WFDC8: variants seen among roughly 807,000 people sequenced by gnomAD.
The protein encoded by WFDC8 is WAP four-disulfide core domain 8, also known as WAP four-disulfide core domain protein 8.
In WFDC8, 24 loss-of-function variants were observed where a neutral mutation model predicts 27.0. The observed-to-expected ratio is 0.89, with a 90% confidence interval of 0.64 to 1.25. The LOEUF is 1.25. Among genes scored for constraint, WFDC8 ranks in the 50% most tolerant of loss-of-function variants. WFDC8 has a pLI of 0.00. For missense variants in WFDC8, 287 were observed against 295.9 expected (o/e 0.97, Z 0.22); for synonymous variants, 106 against 99.7 (o/e 1.06, Z -0.38).
rs719996 is a variant in WFDC8, at chr20:45,572,129, A to C, written c.26+7093T>G. Among the ~76,000 whole-genome samples, 6 of 152,022 alleles carry C rather than the reference A, an allele frequency of 3.9e-5. No individual in the cohort carries two copies. The South Asian group carries it at 1.0e-3, about 26-fold the overall frequency. On this transcript the variant is annotated intron_variant, in intron 1 of 5. Coordinates refer to ENST00000289953, the MANE Select transcript of WFDC8 (RefSeq NM_130896.3). Reference sequence around the variant, plus strand: ...AAGAATTCCCTTTTCAGCCAGGTGCAGTGGCTCACACCTGTAATCCCAGCA... The same window carrying C: ...AAGAATTCCCTTTTCAGCCAGGTGCCGTGGCTCACACCTGTAATCCCAGCA...
At chr20:45,576,119 A>C (rs1981036898) in intron 1 of WFDC8, among the ~76,000 whole-genome samples, 1 of 151,478 alleles carries the variant, frequency 6.6e-6, no homozygotes, top group African/African-American at 2.4e-5. Context: ...TATTGAGTAC[A>C]GAACACTCCG....
chr20:45,560,069 T>C (rs562329585), intron 2 of WFDC8, among the ~76,000 whole-genome samples: 1 of 152,340 alleles, frequency 6.6e-6, no homozygotes, highest in East Asian at 1.9e-4. Flanking sequence ...TTATCTCTAA[T>C]TTTAAGGTCT....
At chr20:45,552,616 C>T (rs1600883504) in intron 5 of WFDC8, among the ~76,000 whole-genome samples, 1 of 152,192 alleles carries the variant, frequency 6.6e-6, no homozygotes, top group Non-Finnish European at 1.5e-5. Flanking sequence ...TATACTGAAC[C>T]TTAGAACCTT....
At chr20:45,562,362 G>T (rs1021614095) in intron 1 of WFDC8, 143 bp from the exon 2 acceptor site, 2 of 671,832 alleles carry the variant, frequency 3.0e-6, no homozygotes, top group African/African-American at 1.8e-5. Context: ...GAAGGAGTCT[G>T]TCTGAGGTCA....
At position 45,576,457 on chromosome 20, in the gene WFDC8, T is replaced by C. The variant is rs550563629; in HGVS notation, c.26+2765A>G. On this transcript the variant is annotated intron_variant, in intron 1 of 5. Transcript: ENST00000289953. Reference sequence around the variant, plus strand: ...GTCTTTCTCCCAGGGCGGAGCGCAGTGGCACGATCTTGGCTCACTCCAACC... The same window carrying C: ...GTCTTTCTCCCAGGGCGGAGCGCAGCGGCACGATCTTGGCTCACTCCAACC... Among the ~76,000 whole-genome samples the C allele has an allele frequency of 8.6e-5, 13 of 151,388 alleles. No homozygotes were observed. The East Asian group carries it at 2.3e-3, about 27-fold the overall frequency.
rs145947630 is a variant in WFDC8, at chr20:45,567,350, C to T, written c.27-5131G>A. ...AAGCCACAGATCACCCACCATTTTC[C>T]AAGACCAAAATTTTCACATAAATAT... On this transcript the variant is annotated intron_variant, in intron 1 of 5. Transcript: ENST00000289953. Among the ~76,000 whole-genome samples the T allele has an allele frequency of 3.3e-3, 498 of 152,244 alleles. 3 individuals carry two copies. Among genetic ancestry groups the T allele is most frequent in the African/African-American group, 0.011 (471 of 41,532 alleles).
At chr20:45,575,151 G>T (rs1981001853) in intron 1 of WFDC8, among the ~76,000 whole-genome samples, 1 of 152,064 alleles carries the variant, frequency 6.6e-6, no homozygotes, top group Non-Finnish European at 1.5e-5. Context: ...AATCGACATA[G>T]TACTGAAAGT....
intron 1 of WFDC8, chr20:45,568,213 C>G: frequency 3.8e-6 from 1 of 263,346 alleles, no homozygotes; most frequent in Non-Finnish European, 7.7e-6. Flanking sequence ...CCAAAAACAT[C>G]AGAGTACAAT....
intron 1 of WFDC8, among the ~76,000 whole-genome samples, chr20:45,576,214 G>C (rs1981040798): frequency 6.6e-6 from 1 of 151,200 alleles, no homozygotes; most frequent in African/African-American, 2.4e-5. Flanking sequence ...TGAGAAAGGT[G>C]TGTCAAGGGC....
intron 1 of WFDC8, among the ~76,000 whole-genome samples, chr20:45,562,588 G>C (rs1035611203): frequency 6.6e-6 from 1 of 152,186 alleles, no homozygotes; most frequent in Non-Finnish European, 1.5e-5. Flanking sequence ...AGACACTAGT[G>C]AGCATCTTTT....
intron 1 of WFDC8, among the ~76,000 whole-genome samples, chr20:45,563,136 T>G (rs1385701529): frequency 6.6e-6 from 1 of 152,170 alleles, no homozygotes; most frequent in African/African-American, 2.4e-5. Context: ...CAACCTTTTT[T>G]GTTGGGGGAG....
intron 1 of WFDC8, among the ~76,000 whole-genome samples, chr20:45,563,833 A>G (rs1190066588): frequency 6.6e-6 from 1 of 152,234 alleles, no homozygotes; most frequent in African/African-American, 2.4e-5. Flanking sequence ...CTTGAGAATC[A>G]GTTAATCAGA....
intron 1 of WFDC8, among the ~76,000 whole-genome samples, chr20:45,578,583 A>G (rs1281185615): frequency 6.6e-6 from 1 of 151,748 alleles, no homozygotes; most frequent in African/African-American, 2.4e-5. Flanking sequence ...ATACTCCAAT[A>G]GGCAAAGCAC....
chr20:45,562,915 T>A (rs1442399982), intron 1 of WFDC8, among the ~76,000 whole-genome samples: 2 of 152,188 alleles, frequency 1.3e-5, no homozygotes, highest in African/African-American at 2.4e-5. Flanking sequence ...TTAGAGTGCA[T>A]GCATTTCAAA....
chr20:45,571,173 T>C (rs1346826706), intron 1 of WFDC8, among the ~76,000 whole-genome samples: 1 of 152,220 alleles, frequency 6.6e-6, no homozygotes, highest in Non-Finnish European at 1.5e-5. Context: ...CCATGTCTGA[T>C]TCTCTACCCA....
chr20:45,555,110 G>C (rs1343439106), intron 4 of WFDC8, among the ~76,000 whole-genome samples: 1 of 152,168 alleles, frequency 6.6e-6, no homozygotes, highest in South Asian at 2.1e-4. Context: ...TTACAGAAGA[G>C]GGAACTGAAA....
At chr20:45,560,583 T>A (rs1980431387) in intron 2 of WFDC8, among the ~76,000 whole-genome samples, 1 of 152,204 alleles carries the variant, frequency 6.6e-6, no homozygotes, top group African/African-American at 2.4e-5. Flanking sequence ...AACTTTGGAA[T>A]GGAAAGAACT....
At chr20:45,565,972 A>T (rs556141020) in intron 1 of WFDC8, among the ~76,000 whole-genome samples, 89 of 152,286 alleles carry the variant, frequency 5.8e-4, no homozygotes, top group East Asian at 1.9e-3. Flanking sequence ...ACAAAATTTT[A>T]AAAAAATATA....
At position 45,578,382 on chromosome 20, in the gene WFDC8, C is replaced by CA. The variant is rs1422008406; in HGVS notation, c.26+839dup. Among the ~76,000 whole-genome samples, 2 of 151,408 alleles carry CA rather than the reference C, an allele frequency of 1.3e-5. 1 individual carries two copies. The highest frequency in any genetic ancestry group is 4.8e-5 in the African/African-American group (2 of 41,342). ...ACTTTGAGCTCTCCATGGCTTGCCA[C>CA]AACAAAAGACTTCCTAGGCAAATTG... On this transcript the variant is annotated intron_variant, in intron 1 of 5. Transcript: ENST00000289953.
Sources: gnomAD v4.1 joint callset for allele counts (sites outside exome capture counted in the v4.1 genomes callset) on GRCh38, gnomAD v4.1.1 for gene constraint, MANE v1.5 for transcripts, NCBI Gene and HGNC (gene_info 2026-07-23, HGNC 2026-07-21) for gene names.